The following WDR86 variants were observed in gnomAD, a reference collection of about 807,000 sequenced individuals.
WDR86 encodes WD repeat domain 86.
A neutral mutation model predicts 36.5 loss-of-function variants in WDR86; 30 were observed. That is an observed-to-expected ratio of 0.82 (90% CI 0.61 to 1.11). The LOEUF (loss-of-function observed/expected upper bound fraction) is 1.11, where lower values mean the gene tolerates loss of function less well. Among genes scored for constraint, WDR86 ranks in the 50% most tolerant of loss-of-function variants. The probability of loss-of-function intolerance (pLI) is 0.00; values close to 1 mark genes in which losing one functional copy is unlikely to be tolerated. For missense variants in WDR86, 545 were observed against 561.2 expected (o/e 0.97, Z 0.29); for synonymous variants, 255 against 252.9 (o/e 1.01, Z -0.08).
At chr7:151,373,020 T>G (rs546241978), downstream of WDR86, among the ~76,000 whole-genome samples, 1 of 152,284 alleles carries the variant, frequency 6.6e-6, no homozygotes, top group South Asian at 2.1e-4. Flanking sequence ...GTGGGGCCTG[T>G]GGAGTCTGGT....
In WDR86 at chr7:151,406,402, G is replaced by A. The variant is rs189297247; in HGVS notation, c.163+3025C>T. Among the ~76,000 whole-genome samples, 10 of 152,342 alleles carry A rather than the reference G, an allele frequency of 6.6e-5. No individual in the cohort carries two copies. The highest frequency in any genetic ancestry group is 3.4e-3 in the Middle Eastern group (1 of 294). On this transcript the variant is annotated intron_variant, in intron 1 of 5. Coordinates refer to ENST00000334493, the MANE Select transcript of WDR86 (RefSeq NM_198285.3). This position sits in a 1 kb window ranked among gnomAD's most constrained non-coding sequence, Gnocchi z 4.4. Reference sequence around the variant, plus strand: ...AGCCAGAGGTCTCTAGAGGAAAAGCGTACGTAGGAGTCGCCAGCCCCAGCC... The same window carrying A: ...AGCCAGAGGTCTCTAGAGGAAAAGCATACGTAGGAGTCGCCAGCCCCAGCC...
At chr7:151,377,244 G>T (rs372764827), downstream of WDR86, 2 of 1,470,660 alleles carry the variant, frequency 1.4e-6, no homozygotes, top group Middle Eastern at 1.8e-4. Flanking sequence ...CAGAAATAGC[G>T]CTAATTTTCT....
chr7:151,407,885 C>T (rs1800835724), intron 1 of WDR86, among the ~76,000 whole-genome samples: 1 of 152,124 alleles, frequency 6.6e-6, no homozygotes, highest in African/African-American at 2.4e-5. Flanking sequence ...CAGCCCTATT[C>T]ATGGAGGACT....
At chr7:151,369,088 A>G in the WDR86 span, 1 of 458,216 alleles carries the variant, frequency 2.2e-6, no homozygotes, top group Non-Finnish European at 3.7e-6. Context: ...GCTCACTGCA[A>G]GCTCCGCCTC....
intron 4 of WDR86, among the ~76,000 whole-genome samples, chr7:151,382,658 C>T (rs141358268): frequency 3.7e-4 from 57 of 152,348 alleles, no homozygotes; most frequent in African/African-American, 1.3e-3. Context: ...GATGCTGCTG[C>T]TAGTCAGGAG....
chr7:151,368,980 A>C, the WDR86 span: 1 of 1,289,006 alleles, frequency 7.8e-7, no homozygotes, highest in Non-Finnish European at 1.0e-6. Context: ...ACTCTTTATT[A>C]CTCCAGATTG....
chr7:151,382,200 C>G (rs1212590709), intron 4 of WDR86, among the ~76,000 whole-genome samples: 1 of 152,176 alleles, frequency 6.6e-6, no homozygotes, highest in Non-Finnish European at 1.5e-5. Context: ...TGGCCCTGCC[C>G]CTGCCCTGCT....
At chr7:151,385,853 T>A (rs964229541) in intron 3 of WDR86, among the ~76,000 whole-genome samples, 3 of 152,080 alleles carry the variant, frequency 2.0e-5, no homozygotes, top group Non-Finnish European at 4.4e-5. Context: ...CTCGCCAAGA[T>A]GGACGGGAGT....
downstream of WDR86, chr7:151,374,725 GT>G (rs1798127450): frequency 5.7e-6 from 1 of 176,928 alleles, no homozygotes; most frequent in Non-Finnish European, 1.2e-5. Context: ...CCAGACAGCA[GT>G]GACTTTACCT....
intron 1 of WDR86, among the ~76,000 whole-genome samples, chr7:151,402,005 A>G (rs1172058197): frequency 2.1e-4 from 28 of 133,358 alleles, no homozygotes; most frequent in African/African-American, 4.3e-4. Flanking sequence ...CTGAGGTTGC[A>G]CCACTGCACT....
chr7:151,389,591 G>A (rs1427158086), intron 3 of WDR86, among the ~76,000 whole-genome samples: 1 of 152,220 alleles, frequency 6.6e-6, no homozygotes, highest in Non-Finnish European at 1.5e-5. Context: ...CAAAGCCACT[G>A]TGGGGGCCCA....
At position 151,388,453 on chromosome 7, in the gene WDR86, GCAGCGCAGGGCCACCACAGA is replaced by G. The variant is rs918332644; in HGVS notation, c.727-3250_727-3231del. Among the ~76,000 whole-genome samples, 75 of 390 alleles carry G rather than the reference GCAGCGCAGGGCCACCACAGA, an allele frequency of 0.19. 1 individual carries two copies. The highest frequency in any genetic ancestry group is 0.35 in the African/African-American group (73 of 206). The allele number at this position is 390 out of a possible 152,430, so 0.3% of individuals were successfully genotyped here. A position where few individuals can be genotyped will look rare whatever the true frequency, so the allele number is the denominator to read the frequency against. On this transcript the variant is annotated intron_variant, in intron 3 of 5. Coordinates refer to ENST00000334493, the MANE Select transcript of WDR86 (RefSeq NM_198285.3). The surrounding 1 kb of genome is among the most constrained non-coding windows in gnomAD (Gnocchi z 4.2). Reference sequence around the variant, plus strand: ...AAAGAGCAGGGGAGAGGGCTGCCCTGCAGCGCAGGGCCACCACAGACAGGGTGCCCCCTGGCTTTTTGACC... The same window carrying G: ...AAAGAGCAGGGGAGAGGGCTGCCCTGCAGGGTGCCCCCTGGCTTTTTGACC...
At chr7:151,403,610 C>A (rs760590663) in intron 1 of WDR86, among the ~76,000 whole-genome samples, 9 of 152,160 alleles carry the variant, frequency 5.9e-5, no homozygotes, top group Non-Finnish European at 1.2e-4. Context: ...ATATACCAGG[C>A]CGCTAAGAAA....
chr7:151,395,600 G>T (rs898669631), intron 3 of WDR86, among the ~76,000 whole-genome samples, 176 bp downstream of exon 3: 3 of 152,090 alleles, frequency 2.0e-5, no homozygotes. Context: ...CCAGTACTGC[G>T]GACCCCTTAT....
At position 151,381,827 on chromosome 7, in the gene WDR86, G is replaced by A. The variant is rs1425387003; in HGVS notation, c.966+51C>T. On this transcript the variant is annotated intron_variant, in intron 5 of 5. Transcript: ENST00000334493. The surrounding 1 kb of genome is among the most constrained non-coding windows in gnomAD (Gnocchi z 4.8). ...TGCCCGCGTGGATGGATCGGGGCGG[G>A]GCACCTTCCCTCCCACGGGCGGCGG... is the stretch of plus-strand genomic sequence containing the variant. 6.4e-7 allele frequency: 1 copy of A among 1,555,346 alleles called. No homozygotes were observed. The highest frequency in any genetic ancestry group is 1.4e-5 in the African/African-American group (1 of 73,402).
At chr7:151,382,074 G>A in intron 4 of WDR86, 93 bp from the exon 5 acceptor site, 2 of 1,115,234 alleles carry the variant, frequency 1.8e-6, no homozygotes, top group South Asian at 2.9e-5. Context: ...GGGCGTCTCC[G>A]AGACTCCGCC....
rs1324582840 is a variant in WDR86, at chr7:151,382,042, G to A, written c.863-61C>T. On this transcript the variant is annotated intron_variant, in intron 4 of 5. Coordinates refer to ENST00000334493, the MANE Select transcript of WDR86 (RefSeq NM_198285.3). ...TGCTCGGCCCCCCGCAAGCAGGGATGGGGCGGCGAGAGCGTGACCTGGGGC... is the reference window on the plus strand; with the variant it reads ...TGCTCGGCCCCCCGCAAGCAGGGATAGGGCGGCGAGAGCGTGACCTGGGGC... 5 of 1,480,056 alleles carry A rather than the reference G, an allele frequency of 3.4e-6. No homozygotes were observed. In the African/African-American group the frequency reaches 4.2e-5, roughly 12 times the overall value. The allele number at this position is 1,480,056 out of a possible 1,614,324, so 91.7% of individuals were successfully genotyped here.
chr7:151,407,115 A>G (rs1018545122), intron 1 of WDR86, among the ~76,000 whole-genome samples: 1 of 152,198 alleles, frequency 6.6e-6, no homozygotes, highest in Non-Finnish European at 1.5e-5. Flanking sequence ...ATACCAACCC[A>G]TATAACAGCA....
chr7:151,382,987 T>C (rs925806691), intron 4 of WDR86, among the ~76,000 whole-genome samples: 2 of 151,354 alleles, frequency 1.3e-5, no homozygotes, highest in Non-Finnish European at 3.0e-5. Flanking sequence ...GCCTTTTTTT[T>C]TTTTTTTCTT....
Sources: gnomAD v4.1 joint callset for allele counts (sites outside exome capture counted in the v4.1 genomes callset) on GRCh38, gnomAD v4.1.1 for gene constraint, Gnocchi (gnomAD v3.1) non-coding constraint, MANE v1.5 for transcripts, NCBI Gene and HGNC (gene_info 2026-07-23, HGNC 2026-07-21) for gene names.